The following CACNA1C variants were observed in gnomAD, a reference collection of about 807,000 sequenced individuals.
The protein encoded by CACNA1C is voltage-dependent L-type calcium channel subunit alpha-1C.
CACNA1C carries 30 observed loss-of-function variants against 229.0 expected under a neutral mutation model. The observed-to-expected ratio is 0.13, with a 90% confidence interval of 0.10 to 0.18. The LOEUF (loss-of-function observed/expected upper bound fraction) is 0.18. Among genes scored for constraint, CACNA1C ranks in the 10% least tolerant of loss-of-function variants. The pLI is 1.00. For missense variants in CACNA1C, 1,658 were observed against 2,845.0 expected (o/e 0.58, Z 9.49); for synonymous variants, 1,114 against 1,132.5 (o/e 0.98, Z 0.33).
rs1212522049 is a variant in CACNA1C, at chr12:2,417,434, G to A, written c.478-31542G>A. ...GTGCTTTTAAAAACGCTAATGCCTG[G>A]GGCCCTTCCCTGGCCGCTGTTTACC... On this transcript the variant is annotated intron_variant, in intron 3 of 46. Transcript: ENST00000399655. Among the ~76,000 whole-genome samples the A allele has an allele frequency of 9.2e-5, 14 of 152,234 alleles. No homozygotes were observed. In the South Asian group the frequency reaches 2.7e-3, roughly 29 times the overall value.
In CACNA1C at chr12:2,602,629, CTTGTGTGTGTGTGTGT is replaced by C. The variant is rs1347941749; in HGVS notation, c.2960+670_2960+685del. Among the ~76,000 whole-genome samples the C allele has an allele frequency of 1.1e-5, 1 of 87,744 alleles. No individual in the cohort carries two copies. The highest frequency in any genetic ancestry group is 4.1e-5 in the African/African-American group (1 of 24,358). The allele number at this position is 87,744 out of a possible 152,430, so 57.6% of individuals were successfully genotyped here. A position where few individuals can be genotyped will look rare whatever the true frequency, so the allele number is the denominator to read the frequency against. On this transcript the variant is annotated intron_variant, in intron 22 of 46. Transcript: ENST00000399655. This position sits in a 1 kb window ranked among gnomAD's most constrained non-coding sequence, Gnocchi z 4.4. ...TGTGTGTGACTGTGTATATTTGTGT[CTTGTGTGTGTGTGTGT>C]GTGTGTGTGTGTGTGTGTGTGTGTG...
chr12:2,116,896 A>G (rs968370629), intron 2 of CACNA1C, among the ~76,000 whole-genome samples: 2 of 152,236 alleles, frequency 1.3e-5, no homozygotes, highest in African/African-American at 2.4e-5. Flanking sequence ...TTCTATGGAA[A>G]GATTTAAAAG....
At chr12:1,998,035 A>G (rs542786353) in intron 1 of CACNA1C, 3 of 1,462,818 alleles carry the variant, frequency 2.1e-6, no homozygotes, top group African/African-American at 2.9e-5. Context: ...ACAAAGGTAT[A>G]AAACAAATTC....
intron 1 of CACNA1C, among the ~76,000 whole-genome samples, chr12:1,983,695 T>C (rs1445033312): frequency 6.6e-6 from 1 of 152,130 alleles, no homozygotes; most frequent in African/African-American, 2.4e-5. Flanking sequence ...ACGTCCATTC[T>C]GCTGTCATTC....
rs768005810 is a variant in CACNA1C at position 2,595,098 on chromosome 12, C to T, written c.2664-776C>T. On this transcript the variant is annotated intron_variant, in intron 19 of 46. Transcript: ENST00000399655. This position sits in a 1 kb window ranked among gnomAD's most constrained non-coding sequence, Gnocchi z 4.1. ...AATTGTCTGAGAGAGTTTGGCCCTT[C>T]GAGGGTTTGGTGCTTCTGCAGCAGG... 3.9e-5 allele frequency among the ~76,000 whole-genome samples: 6 copies of T among 152,224 alleles called. No individual in the cohort carries two copies. The highest frequency in any genetic ancestry group is 3.4e-3 in the Middle Eastern group (1 of 294).
chr12:2,333,936 G>C (rs184602212), intron 3 of CACNA1C, among the ~76,000 whole-genome samples: 3 of 152,308 alleles, frequency 2.0e-5, no homozygotes, highest in Admixed American at 6.5e-5. Context: ...CTTGCCTCCC[G>C]TCATTGGTGA....
At chr12:2,080,351 C>T (rs1036587646) in intron 1 of CACNA1C, among the ~76,000 whole-genome samples, 1 of 152,020 alleles carries the variant, frequency 6.6e-6, no homozygotes, top group Non-Finnish European at 1.5e-5. Context: ...CCTGTAATTC[C>T]AGCACTTTGA....
intron 3 of CACNA1C, among the ~76,000 whole-genome samples, chr12:2,246,706 T>C (rs1339047217): frequency 2.0e-5 from 3 of 152,188 alleles, no homozygotes; most frequent in Non-Finnish European, 4.4e-5. Flanking sequence ...ACTGCTACGC[T>C]CTGTCCTAAC....
rs568141072 is a variant in CACNA1C at position 2,439,372 on chromosome 12, C to T, written c.478-9604C>T. ...GCCCTGTAGGTTGCAGTTGGAAAAA[C>T]GTGGGCCATAAGGAGGCCACTGGGG... On this transcript the variant is annotated intron_variant, in intron 3 of 46. Coordinates refer to ENST00000399655, the MANE Select transcript of CACNA1C (RefSeq NM_000719.7). Among the ~76,000 whole-genome samples, 9 of 152,316 alleles carry T rather than the reference C, an allele frequency of 5.9e-5. No homozygotes were observed. In the South Asian group the frequency reaches 1.7e-3, roughly 28 times the overall value.
At chr12:2,616,797 G>A (rs2080854403) in intron 29 of CACNA1C, among the ~76,000 whole-genome samples, 2 of 152,224 alleles carry the variant, frequency 1.3e-5, no homozygotes, top group South Asian at 2.1e-4. Flanking sequence ...CAGACTTGCC[G>A]CCTCATGGCC....
Position 2,566,635 on chromosome 12 carries a change from A to G in CACNA1C, c.1669+53A>G. ...GTTTCCTCCTGGTAACTCAGCCCCA[A>G]GGCCCAGGGGAGGGCATAACCACAG... On this transcript the variant is annotated intron_variant, in intron 12 of 46. Coordinates refer to ENST00000399655, the MANE Select transcript of CACNA1C (RefSeq NM_000719.7). The surrounding 1 kb of genome is among the most constrained non-coding windows in gnomAD (Gnocchi z 4.0). 6.7e-7 allele frequency: 1 copy of G among 1,488,522 alleles called. No individual in the cohort carries two copies. Among genetic ancestry groups the G allele is most frequent in the Non-Finnish European group, 9.1e-7 (1 of 1,094,768 alleles). The allele number at this position is 1,488,522 out of a possible 1,614,324, so 92.2% of individuals were successfully genotyped here. A position where few individuals can be genotyped will look rare whatever the true frequency, so the allele number is the denominator to read the frequency against.
intron 37 of CACNA1C, 55 bp from the exon 38 acceptor site, chr12:2,668,878 G>A (rs189712469): frequency 2.3e-4 from 267 of 1,144,648 alleles, no homozygotes; most frequent in Middle Eastern, 1.4e-3. Context: ...GGTGTTCTGC[G>A]GTCCCCTAAG....
chr12:2,042,622 G>C (rs1333574955), intron 1 of CACNA1C, among the ~76,000 whole-genome samples: 3 of 152,186 alleles, frequency 2.0e-5, no homozygotes, highest in African/African-American at 7.2e-5. Flanking sequence ...CAGGGATATG[G>C]ACCTGGAAGG....
chr12:2,405,766 C>T (rs960696788), intron 3 of CACNA1C, among the ~76,000 whole-genome samples: 2 of 152,184 alleles, frequency 1.3e-5, no homozygotes, highest in African/African-American at 2.4e-5. Context: ...GCATGTGTTA[C>T]GATTTTTGCT....
chr12:2,444,132 C>G (rs1222957339), intron 3 of CACNA1C, among the ~76,000 whole-genome samples: 1 of 152,130 alleles, frequency 6.6e-6, no homozygotes, highest in African/African-American at 2.4e-5. Flanking sequence ...ATTGTGAAAC[C>G]AGCCATGTCT....
chr12:2,125,657 C>T (rs1049858317), intron 3 of CACNA1C, among the ~76,000 whole-genome samples: 3 of 152,104 alleles, frequency 2.0e-5, no homozygotes, highest in African/African-American at 7.2e-5. Flanking sequence ...GAGATTCTGA[C>T]TCTGGAGTGG....
chr12:2,089,420 G>C (rs2069249555), intron 1 of CACNA1C, among the ~76,000 whole-genome samples: 1 of 152,186 alleles, frequency 6.6e-6, no homozygotes, highest in South Asian at 2.1e-4. Context: ...TGGACGCCGT[G>C]CGAGGTACTT....
chr12:2,336,722 C>T (rs2154519086), intron 3 of CACNA1C, among the ~76,000 whole-genome samples: 1 of 152,292 alleles, frequency 6.6e-6, no homozygotes, highest in African/African-American at 2.4e-5. Context: ...ATGAGGCCAA[C>T]CCCCTGGCTA....
In CACNA1C at chr12:2,348,449, TC is replaced by T. The variant is rs2097112614; in HGVS notation, c.478-100524del. 6.6e-6 allele frequency among the ~76,000 whole-genome samples: 1 copy of T among 152,164 alleles called. No homozygotes were observed. The highest frequency in any genetic ancestry group is 1.5e-5 in the Non-Finnish European group (1 of 68,024). On this transcript the variant is annotated intron_variant, in intron 3 of 46. Transcript: ENST00000399655. This position sits in a 1 kb window ranked among gnomAD's most constrained non-coding sequence, Gnocchi z 4.7. The stretch of plus-strand genomic sequence containing the variant: ...GATTGGCATATGTAAGAACCCCCTT[TC>T]CCGTTGGCGTGTATGGTGTCTTCTC...
Sources: gnomAD v4.1 joint callset for allele counts (sites outside exome capture counted in the v4.1 genomes callset) on GRCh38, gnomAD v4.1.1 for gene constraint, Gnocchi (gnomAD v3.1) non-coding constraint, MANE v1.5 for transcripts, NCBI Gene and HGNC (gene_info 2026-07-23, HGNC 2026-07-21) for gene names.